The following BMPR1B variants were observed in gnomAD, a reference collection of about 807,000 sequenced individuals.
BMPR1B encodes the protein bone morphogenetic protein receptor type-1B.
In BMPR1B, 12 loss-of-function variants were observed where a neutral mutation model predicts 59.1. That is an observed-to-expected ratio of 0.20 (90% CI 0.13 to 0.33). The LOEUF (loss-of-function observed/expected upper bound fraction) is 0.33. Among genes scored for constraint, BMPR1B ranks in the 10% least tolerant of loss-of-function variants. The pLI, the probability that BMPR1B is intolerant of heterozygous loss-of-function variation, is 1.00. For missense variants in BMPR1B, 550 were observed against 610.9 expected, an observed-to-expected ratio of 0.90 and a Z score of 1.05; for synonymous variants, 237 against 207.3, an observed-to-expected ratio of 1.14 and a Z score of -1.23.
intron 1 of BMPR1B, among the ~76,000 whole-genome samples, chr4:94,788,383 G>T (rs980699663): frequency 6.6e-6 from 1 of 152,126 alleles, no homozygotes; most frequent in Admixed American, 6.5e-5. Flanking sequence ...TCCCTGGGCT[G>T]TCTTCTGGTC....
At chr4:94,879,864 G>GA (rs1726888624) in intron 2 of BMPR1B, among the ~76,000 whole-genome samples, 1 of 151,786 alleles carries the variant, frequency 6.6e-6, no homozygotes, top group African/African-American at 2.4e-5. Context: ...TACTTTAAAA[G>GA]AAAAAAACAA....
chr4:94,835,588 T>C (rs946967127), intron 1 of BMPR1B, among the ~76,000 whole-genome samples: 1 of 152,162 alleles, frequency 6.6e-6, no homozygotes, highest in Non-Finnish European at 1.5e-5. Flanking sequence ...AACAACCAAA[T>C]GTGGTGTGAA....
At chr4:94,938,457 T>G (rs771433222) in intron 2 of BMPR1B, among the ~76,000 whole-genome samples, 4 of 151,782 alleles carry the variant, frequency 2.6e-5, no homozygotes, top group Non-Finnish European at 4.4e-5. Flanking sequence ...GTTGTACCAC[T>G]GCACTCCCCA....
At chr4:95,131,078 C>T (rs1299462837) in intron 9 of BMPR1B, 137 bp from the exon 10 acceptor site, 1 of 891,780 alleles carries the variant, frequency 1.1e-6, no homozygotes. Flanking sequence ...TCATTTAATA[C>T]CATCATAGGC....
intron 1 of BMPR1B, among the ~76,000 whole-genome samples, chr4:94,791,575 CTA>C (rs1722989667): frequency 6.6e-6 from 1 of 152,044 alleles, no homozygotes; most frequent in Non-Finnish European, 1.5e-5. Context: ...ATTTACTTGA[CTA>C]TTTTTTAAAA....
chr4:94,953,281 G>A (rs1278660629), intron 2 of BMPR1B, among the ~76,000 whole-genome samples: 2 of 152,152 alleles, frequency 1.3e-5, no homozygotes, highest in African/African-American at 4.8e-5. Context: ...ATATTGTTAT[G>A]TGTGATTTTG....
chr4:94,993,277 A>G lies in BMPR1B; in HGVS notation c.-112-2763A>G, dbSNP rs550754769. ...AATGGAATCAGTGTCTAGATTATCC[A>G]CTTCTACATAAACTCTTTATTAATA... On this transcript the variant is annotated intron_variant, in intron 2 of 12. Transcript: ENST00000515059. Among the ~76,000 whole-genome samples the G allele has an allele frequency of 2.6e-5, 4 of 152,204 alleles. No homozygotes were observed. In the South Asian group the frequency reaches 8.3e-4, roughly 32 times the overall value.
At chr4:94,922,582 C>T (rs1053475239) in intron 2 of BMPR1B, among the ~76,000 whole-genome samples, 2 of 152,024 alleles carry the variant, frequency 1.3e-5, no homozygotes, top group African/African-American at 4.8e-5. Flanking sequence ...CATGCGGGAA[C>T]CTTTGATGGT....
At chr4:95,019,150 C>T (rs1293000389) in intron 3 of BMPR1B, among the ~76,000 whole-genome samples, 1 of 152,052 alleles carries the variant, frequency 6.6e-6, no homozygotes, top group Non-Finnish European at 1.5e-5. Context: ...GAATGGAAGT[C>T]GCTAATGGAA....
intron 1 of BMPR1B, among the ~76,000 whole-genome samples, chr4:94,849,804 G>T (rs1457946629): frequency 1.3e-5 from 2 of 151,200 alleles, no homozygotes; most frequent in Non-Finnish European, 3.0e-5. Context: ...GTGTGTGTGT[G>T]TGTGTGTGTG....
At chr4:95,021,243 A>G (rs1306341402) in intron 3 of BMPR1B, among the ~76,000 whole-genome samples, 3 of 152,230 alleles carry the variant, frequency 2.0e-5, no homozygotes, top group Non-Finnish European at 4.4e-5. Context: ...TTTATATTCA[A>G]CATGGAAGAA....
chr4:94,884,425 C>T (rs1727093037), intron 2 of BMPR1B, among the ~76,000 whole-genome samples: 1 of 152,012 alleles, frequency 6.6e-6, no homozygotes, highest in Non-Finnish European at 1.5e-5. Context: ...GCTTGGGAGG[C>T]TGAGGCAGGA....
chr4:95,057,237 C>T (rs749565331), intron 3 of BMPR1B, among the ~76,000 whole-genome samples: 8 of 152,002 alleles, frequency 5.3e-5, no homozygotes, highest in Non-Finnish European at 1.0e-4. Flanking sequence ...GCAGAGTTAA[C>T]TGACAGATGT....
intron 2 of BMPR1B, among the ~76,000 whole-genome samples, chr4:94,983,788 T>C (rs1721239953): frequency 6.6e-6 from 1 of 152,370 alleles, no homozygotes; most frequent in Non-Finnish European, 1.5e-5. Flanking sequence ...CTTTATTTTC[T>C]ATGTTGCATG....
chr4:94,912,004 G>A (rs1194590548), intron 2 of BMPR1B, among the ~76,000 whole-genome samples: 1 of 152,108 alleles, frequency 6.6e-6, no homozygotes, highest in African/African-American at 2.4e-5. Flanking sequence ...AGTTCCATGT[G>A]GCTAGGGGAG....
rs765575434 is a variant in BMPR1B, at chr4:95,114,673, C to G, written c.144-47C>G. 1.3e-5 allele frequency: 19 copies of G among 1,424,364 alleles called. No individual in the cohort carries two copies. The Admixed American group carries it at 3.2e-4, about 24-fold the overall frequency. The allele number at this position is 1,424,364 out of a possible 1,614,324, so 88.2% of individuals were successfully genotyped here. A position where few individuals can be genotyped will look rare whatever the true frequency, so the allele number is the denominator to read the frequency against. On this transcript the variant is annotated intron_variant, in intron 4 of 12. Coordinates refer to ENST00000515059, the MANE Select transcript of BMPR1B (RefSeq NM_001203.3). ...ACACACACACACACACACACACTGACTCACACACACACATTCTGTTTCTCA... is the reference window on the plus strand; with the variant it reads ...ACACACACACACACACACACACTGAGTCACACACACACATTCTGTTTCTCA...
intron 1 of BMPR1B, among the ~76,000 whole-genome samples, chr4:94,780,615 A>G (rs1481862836): frequency 6.6e-6 from 1 of 151,290 alleles, no homozygotes; most frequent in Non-Finnish European, 1.5e-5. Flanking sequence ...TAAAGTGCCT[A>G]TAGCAGTATA....
chr4:94,845,810 C>T (rs1464410338), intron 1 of BMPR1B, among the ~76,000 whole-genome samples: 1 of 152,078 alleles, frequency 6.6e-6, no homozygotes, highest in Non-Finnish European at 1.5e-5. Flanking sequence ...ATATTAGTAT[C>T]TAGTCTATTT....
intron 4 of BMPR1B, among the ~76,000 whole-genome samples, chr4:95,110,454 A>G (rs561257059): frequency 6.6e-6 from 1 of 152,226 alleles, no homozygotes; most frequent in Non-Finnish European, 1.5e-5. Flanking sequence ...CTTCGTCGTT[A>G]ATGTTGTAAC....
Sources: gnomAD v4.1 joint callset for allele counts (sites outside exome capture counted in the v4.1 genomes callset) on GRCh38, gnomAD v4.1.1 for gene constraint, MANE v1.5 for transcripts, NCBI Gene and HGNC (gene_info 2026-07-23, HGNC 2026-07-21) for gene names.